PRRG1: variants seen among roughly 807,000 people sequenced by gnomAD.
PRRG1 encodes proline rich and Gla domain 1, also known as transmembrane gamma-carboxyglutamic acid protein 1.
A neutral mutation model predicts 11.8 loss-of-function variants in PRRG1; 5 were observed. That is an observed-to-expected ratio of 0.42 (90% CI 0.22 to 0.89). The LOEUF (loss-of-function observed/expected upper bound fraction) is 0.89. PRRG1 is among the 40% of genes least tolerant of loss of function. PRRG1 has a pLI of 0.28. For missense variants in PRRG1, 155 were observed against 166.1 expected (o/e 0.93, Z 0.37); for synonymous variants, 66 against 60.4 (o/e 1.09, Z -0.43).
chrX:37,436,057 G>A (rs1394905305), intron 3 of PRRG1, among the ~76,000 whole-genome samples: 3 of 111,645 alleles, frequency 2.7e-5, no homozygotes, highest in Non-Finnish European at 5.7e-5. Context: ...ACAGTCCAGG[G>A]GTCACAAGTC....
chrX:37,397,586 T>C (rs1252354914), intron 1 of PRRG1, among the ~76,000 whole-genome samples: 1 of 112,406 alleles, frequency 8.9e-6, no homozygotes, highest in Non-Finnish European at 1.9e-5. Context: ...AAAAAGAAAT[T>C]ACTTTCTACT....
intron 2 of PRRG1, among the ~76,000 whole-genome samples, chrX:37,420,668 C>CA (rs1302856034): frequency 0.22 from 6,276 of 28,905 alleles, 494 homozygotes; most frequent in African/African-American, 0.38. Flanking sequence ...CCCGTCTATG[C>CA]AAAAAAAAAA....
chrX:37,441,682 C>T (rs1353985744), intron 3 of PRRG1: 16 of 798,598 alleles, frequency 2.0e-5, no homozygotes, highest in Non-Finnish European at 2.4e-5. Context: ...GCACTTTAGC[C>T]GCTACTTCCT....
At chrX:37,438,110 G>C (rs782117563) in intron 3 of PRRG1, among the ~76,000 whole-genome samples, 56 of 110,440 alleles carry the variant, frequency 5.1e-4, no homozygotes, top group Non-Finnish European at 1.0e-3. Context: ...TACTCGAGAG[G>C]GGGAAGCAGG....
chrX:37,403,181 G>T, intron 1 of PRRG1, among the ~76,000 whole-genome samples: 1 of 109,594 alleles, frequency 9.1e-6, no homozygotes, highest in Admixed American at 9.8e-5. Flanking sequence ...ACATGCACAC[G>T]TATGTTTATT....
chrX:37,422,197 A>C (rs1397163073), intron 2 of PRRG1, among the ~76,000 whole-genome samples: 2 of 112,116 alleles, frequency 1.8e-5, no homozygotes, highest in African/African-American at 3.2e-5. Flanking sequence ...ATCTCTTAGA[A>C]GCATTTAGCT....
At chrX:37,406,575 C>G (rs1556382083) in intron 2 of PRRG1, among the ~76,000 whole-genome samples, 1 of 109,687 alleles carries the variant, frequency 9.1e-6, no homozygotes, top group African/African-American at 3.3e-5. Flanking sequence ...CTTCCCCAAA[C>G]CCAGCTTCTT....
intron 3 of PRRG1, among the ~76,000 whole-genome samples, chrX:37,429,622 CA>C (rs782638917): frequency 9.0e-6 from 1 of 111,647 alleles, no homozygotes; most frequent in African/African-American, 3.3e-5. Flanking sequence ...TAGGAAGTTC[CA>C]AACTTTCCCA....
chrX:37,399,024 C>G (rs782304079), intron 1 of PRRG1, among the ~76,000 whole-genome samples: 1 of 111,132 alleles, frequency 9.0e-6, no homozygotes, highest in African/African-American at 3.3e-5. Flanking sequence ...CTGAAAGTGA[C>G]GAGGAGAATG....
chrX:37,422,967 A>T (rs1932702628), intron 2 of PRRG1, among the ~76,000 whole-genome samples: 1 of 111,266 alleles, frequency 9.0e-6, no homozygotes, highest in Non-Finnish European at 1.9e-5. Flanking sequence ...TAACTATAAA[A>T]TAGCCTCAAG....
intron 3 of PRRG1, among the ~76,000 whole-genome samples, chrX:37,426,983 C>T (rs1932781341): frequency 8.9e-6 from 1 of 111,787 alleles, no homozygotes; most frequent in Non-Finnish European, 1.9e-5. Context: ...CCTATTTTTA[C>T]TACATAGATA....
intron 2 of PRRG1, among the ~76,000 whole-genome samples, chrX:37,411,164 A>G (rs1394576107): frequency 1.4e-4 from 16 of 112,297 alleles, no homozygotes; most frequent in Non-Finnish European, 3.0e-4. Context: ...ATAAAAATAC[A>G]GTATGTAAAC....
intron 1 of PRRG1, among the ~76,000 whole-genome samples, chrX:37,351,186 A>G (rs1311588226): frequency 1.8e-5 from 2 of 111,764 alleles, no homozygotes; most frequent in East Asian, 2.8e-4. Flanking sequence ...ATATTAATAA[A>G]TGCTGTTAGA....
intron 1 of PRRG1, among the ~76,000 whole-genome samples, chrX:37,353,400 A>G (rs1227737851): frequency 8.9e-6 from 1 of 112,549 alleles, no homozygotes; most frequent in Non-Finnish European, 1.9e-5. Flanking sequence ...AAGTTTATGT[A>G]GTAAAGAAGT....
At chrX:37,410,635 T>C (rs1420912093) in intron 2 of PRRG1, among the ~76,000 whole-genome samples, 1 of 112,210 alleles carries the variant, frequency 8.9e-6, no homozygotes, top group Admixed American at 9.5e-5. Context: ...GCCTCAAATA[T>C]TAAAATCCTC....
intron 1 of PRRG1, chrX:37,403,683 C>A: frequency 1.8e-6 from 1 of 553,262 alleles, no homozygotes; most frequent in Non-Finnish European, 2.1e-6. Context: ...TAAAATGAAT[C>A]TTAACACACA....
At chrX:37,369,540 C>A (rs1556370276) in intron 1 of PRRG1, among the ~76,000 whole-genome samples, 1 of 111,937 alleles carries the variant, frequency 8.9e-6, no homozygotes, top group Non-Finnish European at 1.9e-5. Context: ...TTATTAACTA[C>A]AGTCACCATG....
rs199897832 is a variant in PRRG1, at chrX:37,406,210, G to A, written c.-40G>A. On this transcript the variant is annotated splice_region_variant and 5_prime_UTR_variant, in exon 2 of 4. Transcript: ENST00000378628. ...GTGTATGTGCTCTGTTTTGTACAGGGAATCATCATCCAGGGACGTGCCAGA... is the reference window on the plus strand; with the variant it reads ...GTGTATGTGCTCTGTTTTGTACAGGAAATCATCATCCAGGGACGTGCCAGA... 17 of 1,207,907 alleles carry A rather than the reference G, an allele frequency of 1.4e-5. 1 individual carries two copies. The Middle Eastern group carries it at 9.2e-4, about 65-fold the overall frequency.
At chrX:37,399,276 T>G (rs1299394058) in intron 1 of PRRG1, among the ~76,000 whole-genome samples, 1 of 111,063 alleles carries the variant, frequency 9.0e-6, no homozygotes, top group African/African-American at 3.3e-5. Context: ...GACTAACAGC[T>G]GATCTCTTGG....
Sources: gnomAD v4.1 joint callset for allele counts (sites outside exome capture counted in the v4.1 genomes callset) on GRCh38, gnomAD v4.1.1 for gene constraint, MANE v1.5 for transcripts, NCBI Gene and HGNC (gene_info 2026-07-23, HGNC 2026-07-21) for gene names.